DMD: variants seen among roughly 807,000 people sequenced by gnomAD.
The protein encoded by DMD is dystrophin.
DMD carries 63 observed loss-of-function variants against 330.1 expected under a neutral mutation model. The observed-to-expected ratio is 0.19, with a 90% confidence interval of 0.16 to 0.24. The LOEUF is 0.24. Among genes scored for constraint, DMD ranks in the 10% least tolerant of loss-of-function variants. The pLI is 1.00. For missense variants in DMD, 3,344 were observed against 2,684.1 expected, an observed-to-expected ratio of 1.25 and a Z score of -5.43; for synonymous variants, 1,223 against 959.8, an observed-to-expected ratio of 1.27 and a Z score of -5.07.
At chrX:31,535,986 C>T (rs1201118877) in intron 55 of DMD, among the ~76,000 whole-genome samples, 1 of 111,953 alleles carries the variant, frequency 8.9e-6, no homozygotes, top group African/African-American at 3.2e-5. Context: ...TAATTTAACA[C>T]CTAGAAAATC....
chrX:32,779,748 T>C (rs1268410894), intron 7 of DMD, among the ~76,000 whole-genome samples: 2 of 102,342 alleles, frequency 2.0e-5, no homozygotes, highest in African/African-American at 7.3e-5. Context: ...GGGATAGCAT[T>C]AGGAGATATA....
chrX:31,527,854 G>A (rs900701537), intron 55 of DMD, among the ~76,000 whole-genome samples: 1 of 111,441 alleles, frequency 9.0e-6, no homozygotes, highest in Admixed American at 9.5e-5. Flanking sequence ...ATCTGTCCTC[G>A]AAGCCAAGTC....
At chrX:33,090,697 A>T (rs748736241) in intron 1 of DMD, among the ~76,000 whole-genome samples, 1 of 110,673 alleles carries the variant, frequency 9.0e-6, no homozygotes, top group African/African-American at 3.3e-5. Flanking sequence ...CATATTATAT[A>T]TATCAAGTTA....
intron 52 of DMD, among the ~76,000 whole-genome samples, chrX:31,696,413 T>A (rs890566502): frequency 1.8e-5 from 2 of 112,150 alleles, no homozygotes; most frequent in Admixed American, 9.4e-5. Context: ...GATTCCTTCA[T>A]ATAATACACA....
chrX:32,016,796 C>A (rs944029569), intron 44 of DMD, among the ~76,000 whole-genome samples: 7 of 112,611 alleles, frequency 6.2e-5, no homozygotes, highest in African/African-American at 2.3e-4. Flanking sequence ...ATGGCACTTG[C>A]AAGTTCTCAG....
intron 40 of DMD, 26 bp from the exon 41 acceptor site, chrX:32,342,308 C>A: frequency 8.3e-7 from 1 of 1,206,848 alleles, no homozygotes; most frequent in East Asian, 3.0e-5. Flanking sequence ...AATACAGGGC[C>A]CAGGGCAGTT....
chrX:32,386,319 C>G lies in DMD; in HGVS notation c.4665G>C (p.Leu1555=), dbSNP rs1289473741. The part of the protein sequence containing the change: ...VTALKLHYNE[L]GAKVTERKQQ... ...CTCAGCATGCACACACCTTTGCTCC[C>G]AGCTCATTATAATGCAATTTCAAAG... The change falls in exon 33 of 79, where the codon CTG becomes CTC. Residue 1555 remains leucine, a synonymous_variant. Coordinates refer to ENST00000357033, the MANE Select transcript of DMD (RefSeq NM_004006.3). 8.3e-7 allele frequency: 1 copy of G among 1,209,003 alleles called. No individual in the cohort carries two copies. The highest frequency in any genetic ancestry group is 2.2e-5 in the Admixed American group (1 of 45,823).
chrX:32,979,972 T>C (rs1178745786), intron 2 of DMD, among the ~76,000 whole-genome samples: 3 of 111,304 alleles, frequency 2.7e-5, no homozygotes, highest in African/African-American at 6.5e-5. Context: ...GCCCTATAGG[T>C]TGTGGCATAA....
At chrX:33,022,474 T>C (rs1365829110) in intron 1 of DMD, among the ~76,000 whole-genome samples, 1 of 110,707 alleles carries the variant, frequency 9.0e-6, no homozygotes, top group Non-Finnish European at 1.9e-5. Context: ...ACGTCTTTAA[T>C]ACAAGAAAAA....
chrX:31,967,119 T>A (rs761675128), intron 45 of DMD, among the ~76,000 whole-genome samples: 10 of 110,859 alleles, frequency 9.0e-5, no homozygotes, highest in African/African-American at 3.3e-4. Flanking sequence ...AATACTTGTA[T>A]GATTAAGAGA....
chrX:31,349,402 CAG>C (rs1278766534), intron 60 of DMD, among the ~76,000 whole-genome samples: 1 of 112,373 alleles, frequency 8.9e-6, no homozygotes, highest in Non-Finnish European at 1.9e-5. Flanking sequence ...GCCTGGGTGA[CAG>C]AGTGAAACTC....
At chrX:32,312,184 G>C (rs1386638725) in intron 41 of DMD, among the ~76,000 whole-genome samples, 2 of 110,899 alleles carry the variant, frequency 1.8e-5, no homozygotes, top group African/African-American at 6.5e-5. Context: ...TTTAATCAAG[G>C]GAGTTGTTTC....
intron 2 of DMD, among the ~76,000 whole-genome samples, chrX:33,002,873 A>AAAG (rs1480618100): frequency 4.7e-5 from 4 of 85,170 alleles, no homozygotes; most frequent in African/African-American, 1.3e-4. Context: ...AAAAAAAAAA[A>AAAG]AAGAAGAAGA....
chrX:32,583,261 C>T (rs759748939), intron 13 of DMD, among the ~76,000 whole-genome samples: 3 of 111,537 alleles, frequency 2.7e-5, no homozygotes, highest in African/African-American at 9.8e-5. Flanking sequence ...TTCGGCAGGC[C>T]GAGGCTGGCA....
At chrX:32,732,409 G>A (rs963658322) in intron 7 of DMD, among the ~76,000 whole-genome samples, 2 of 110,296 alleles carry the variant, frequency 1.8e-5, no homozygotes, top group African/African-American at 6.6e-5. Flanking sequence ...GAAATACAGA[G>A]AATGCCACAA....
chrX:33,284,273 T>A (rs184997156), intron 1 of DMD, among the ~76,000 whole-genome samples: 1 of 111,139 alleles, frequency 9.0e-6, no homozygotes, highest in African/African-American at 3.3e-5. Flanking sequence ...TAATAAGACA[T>A]CTAAAACATT....
chrX:32,450,002 C>G (rs1216277929), intron 26 of DMD, among the ~76,000 whole-genome samples: 1 of 110,745 alleles, frequency 9.0e-6, no homozygotes, highest in Non-Finnish European at 1.9e-5. Flanking sequence ...TGCGGGTTAT[C>G]CCATTCAGGG....
intron 9 of DMD, among the ~76,000 whole-genome samples, chrX:32,682,386 ACTG>A (rs1295069701): frequency 9.0e-6 from 1 of 111,508 alleles, no homozygotes; most frequent in Non-Finnish European, 1.9e-5. Context: ...CCCGTGACCG[ACTG>A]CCTTTTACAA....
At chrX:32,973,446 T>A (rs745533670) in intron 2 of DMD, among the ~76,000 whole-genome samples, 2 of 112,050 alleles carry the variant, frequency 1.8e-5, no homozygotes, top group African/African-American at 3.2e-5. Context: ...GTGCCCTCCA[T>A]GGCAGGGTCA....
Sources: allele counts gnomAD v4.1 joint callset (sites outside exome capture counted in the v4.1 genomes callset), GRCh38; gene constraint gnomAD v4.1.1; transcripts MANE v1.5; gene names NCBI Gene and HGNC (gene_info 2026-07-23, HGNC 2026-07-21).